The following LRRC32 variants were observed in gnomAD, a reference collection of about 807,000 sequenced individuals.
LRRC32 encodes the protein leucine rich repeat containing 32, also known as transforming growth factor beta activator LRRC32.
In LRRC32, 5 loss-of-function variants were observed where a neutral mutation model predicts 15.0. The observed-to-expected ratio is 0.33, with a 90% confidence interval of 0.17 to 0.70. LRRC32 has a LOEUF of 0.70. Among genes scored for constraint, LRRC32 ranks in the 30% least tolerant of loss-of-function variants. The pLI is 0.66. For missense variants in LRRC32, 803 were observed against 854.2 expected, an observed-to-expected ratio of 0.94 and a Z score of 0.75; for synonymous variants, 391 against 403.9, an observed-to-expected ratio of 0.97 and a Z score of 0.38.
intron 2 of LRRC32, chr11:76,662,701 C>G (rs1952557269): frequency 6.6e-6 from 1 of 152,486 alleles, no homozygotes; most frequent in Non-Finnish European, 1.5e-5. Flanking sequence ...CTCACCGCCC[C>G]CAGCTTCTGT....
chr11:76,669,298 C>A (rs998033346), intron 1 of LRRC32, among the ~76,000 whole-genome samples: 1 of 150,376 alleles, frequency 6.6e-6, no homozygotes, highest in African/African-American at 2.5e-5. Flanking sequence ...CAAGAGGAGG[C>A]AGGAGAGTCG....
chr11:76,661,003 G>A lies in LRRC32; in HGVS notation c.590C>T (p.Pro197Leu). 1 of 1,614,156 alleles carries A rather than the reference G, an allele frequency of 6.2e-7. No individual in the cohort carries two copies. Among genetic ancestry groups the A allele is most frequent in the Non-Finnish European group, 8.5e-7 (1 of 1,180,000 alleles). Residue 197 changes from proline to leucine, a missense_variant, in exon 3 of 3, where the codon CCC (proline) becomes CTC (leucine). Transcript: ENST00000260061. ...GGAGAGGTTGAGATGGGTCAGGCGG[G>A]GCAGACCCTCGAAGGCGCCATCCTC... is the stretch of plus-strand genomic sequence containing the variant. Reference protein sequence around the residue: ...DIEDGAFEGLPRLTHLNLSRN... With the variant: ...DIEDGAFEGLLRLTHLNLSRN...
rs1317108048 is a variant in LRRC32 at position 76,661,508 on chromosome 11, C to T, written c.85G>A (p.Val29Met). The T allele has an allele frequency of 6.3e-7, 1 of 1,596,904 alleles. No individual in the cohort carries two copies. Among genetic ancestry groups the T allele is most frequent in the Non-Finnish European group, 8.5e-7 (1 of 1,170,798 alleles). Residue 29 changes from valine to methionine, a missense_variant and splice_region_variant, in exon 3 of 3, where the codon GTG (valine) becomes ATG (methionine). Physicochemically the swap from Val to Met is conservative, Grantham distance 21. Coordinates refer to ENST00000260061, the MANE Select transcript of LRRC32 (RefSeq NM_001128922.2). ...QHQDKVPCKMVDKKVSCQVLG... is the reference protein window; with the variant it reads ...QHQDKVPCKMMDKKVSCQVLG... ...ACCTGGCACGAGACCTTCTTGTCCA[C>T]CTGGGGAGGGGTAGGGTGGGGAGAC...
At chr11:76,661,607 C>G (rs1197572666) in intron 2 of LRRC32, 99 bp from the exon 3 acceptor site, 2 of 1,455,140 alleles carry the variant, frequency 1.4e-6, no homozygotes, top group Admixed American at 5.0e-5. Context: ...GCTGGGGAAC[C>G]CTTCTCCCAT....
Position 76,657,970 on chromosome 11 carries a change from T to C in LRRC32, c.*1634A>G, listed in dbSNP as rs1952442135. On this transcript the variant is annotated 3_prime_UTR_variant, in exon 3 of 3. Transcript: ENST00000260061. ...CTTGAGTTGGTCCCAGCACGTCCAT[T>C]CTTCCCAGACAGCTCATGACTCCAT... 6.6e-6 allele frequency: 1 copy of C among 152,484 alleles called. No homozygotes were observed. The highest frequency in any genetic ancestry group is 1.9e-4 in the East Asian group (1 of 5,320). 9.4% of individuals were successfully genotyped at this position (152,484 alleles called of 1,614,324 possible).
At position 76,661,088 on chromosome 11, in the gene LRRC32, A is replaced by C. The variant is rs1383171925; in HGVS notation, c.505T>G (p.Phe169Val). 6.2e-7 allele frequency: 1 copy of C among 1,614,240 alleles called. No homozygotes were observed. The highest frequency in any genetic ancestry group is 8.5e-7 in the Non-Finnish European group (1 of 1,180,038). The stretch of plus-strand genomic sequence containing the variant: ...TGCTCCAGCGCAGGCATGTCCCGGA[A>C]GGTGTGGCGGGTGAGGCGAGTCAGA... Reference protein sequence around the residue: ...NSLTRLTRHTFRDMPALEQLD... With the variant: ...NSLTRLTRHTVRDMPALEQLD... Residue 169 changes from phenylalanine to valine, a missense_variant, in exon 3 of 3, where the codon TTC becomes GTC. Phe to Val is a conservative substitution (Grantham distance 50, BLOSUM62 -1). Transcript: ENST00000260061.
chr11:76,659,797 A>G lies in LRRC32; in HGVS notation c.1796T>C (p.Ile599Thr). The change falls in exon 3 of 3, where the codon ATC (isoleucine) becomes ACC (threonine). Residue 599 changes from isoleucine (I) to threonine (T), a missense_variant. Ile to Thr is a moderately conservative substitution (Grantham distance 89). Coordinates refer to ENST00000260061, the MANE Select transcript of LRRC32 (RefSeq NM_001128922.2). ...RVDVDATQDL[I>T]CRFSSQEEVS... The stretch of plus-strand genomic sequence containing the variant: ...CTCCTCCTGGGAGCTGAAGCGGCAG[A>G]TCAGGTCCTGGGTGGCGTCCACGTC... The G allele has an allele frequency of 1.9e-6, 3 of 1,614,204 alleles. No individual in the cohort carries two copies. The highest frequency in any genetic ancestry group is 2.5e-6 in the Non-Finnish European group (3 of 1,180,030).
chr11:76,662,992 C>G (rs1241556523), intron 2 of LRRC32: 1 of 152,392 alleles, frequency 6.6e-6, no homozygotes, highest in Non-Finnish European at 1.5e-5. Flanking sequence ...ACCAGATCCA[C>G]ACATGAACTC....
At chr11:76,668,240 G>A (rs1952656959) in intron 1 of LRRC32, among the ~76,000 whole-genome samples, 1 of 152,008 alleles carries the variant, frequency 6.6e-6, no homozygotes, top group South Asian at 2.1e-4. Flanking sequence ...TGCCGTCAGT[G>A]GGCTCTGACT....
Position 76,661,487 on chromosome 11 carries a change from G to C in LRRC32, c.106C>G (p.Gln36Glu). 6.2e-7 allele frequency: 1 copy of C among 1,608,678 alleles called. No individual in the cohort carries two copies. The highest frequency in any genetic ancestry group is 1.1e-5 in the South Asian group (1 of 90,058). Reference sequence around the variant, plus strand: ...GGGACCTGGAGCAGGCCCAGAACCTGGCACGAGACCTTCTTGTCCACCTGG... The same window carrying C: ...GGGACCTGGAGCAGGCCCAGAACCTCGCACGAGACCTTCTTGTCCACCTGG... ...CKMVDKKVSC[Q>E]VLGLLQVPSV... Residue 36 changes from glutamine (Q) to glutamate (E), a missense_variant, in exon 3 of 3, where the codon CAG (glutamine) becomes GAG (glutamate). Gln to Glu is a conservative substitution (Grantham distance 29). Coordinates refer to ENST00000260061, the MANE Select transcript of LRRC32 (RefSeq NM_001128922.2).
rs1376717108 is a variant in LRRC32 at position 76,659,674 on chromosome 11, A to G, written c.1919T>C (p.Ile640Thr). ...GCAGGCGGCCAGCGTGGTGAGGAGG[A>G]TGGCAGAGACCAGTATGAAGGTGAG... Reference protein sequence around the residue: ...IILTFILVSAILLTTLAACCC... With the variant: ...IILTFILVSATLLTTLAACCC... The change falls in exon 3 of 3, where the codon ATC (isoleucine) becomes ACC (threonine). Residue 640 changes from isoleucine (I) to threonine (T), a missense_variant. Transcript: ENST00000260061. The G allele has an allele frequency of 1.2e-6, 2 of 1,614,182 alleles. No homozygotes were observed. Among genetic ancestry groups the G allele is most frequent in the Non-Finnish European group, 1.7e-6 (2 of 1,180,038 alleles).
rs1468298585 is a variant in LRRC32, at chr11:76,659,140, A to G, written c.*464T>C. The G allele has an allele frequency of 1.2e-5, 2 of 169,280 alleles. No homozygotes were observed. Among genetic ancestry groups the G allele is most frequent in the African/African-American group, 4.8e-5 (2 of 41,728 alleles). The allele number at this position is 169,280 out of a possible 1,614,324, so 10.5% of individuals were successfully genotyped here. On this transcript the variant is annotated 3_prime_UTR_variant, in exon 3 of 3. Transcript: ENST00000260061. ...CCCTGGCACAGCCGGGGCAGGACTC[A>G]CCGCACCAAACCAGCGGGGCCTGCC...
Position 76,660,726 on chromosome 11 carries a change from G to T in LRRC32, c.867C>A (p.Gly289=), listed in dbSNP as rs761548180. 6.2e-7 allele frequency: 1 copy of T among 1,614,132 alleles called. No individual in the cohort carries two copies. ...LPTGPPQDSK[G]IHAPSEGWSA... ...ACCAGCCCTCGGAAGGTGCGTGGAT[G>T]CCCTTGCTGTCCTGGGGTGGCCCTG... Residue 289 remains glycine, a synonymous_variant, in exon 3 of 3, where the codon GGC becomes GGA. Transcript: ENST00000260061.
At chr11:76,667,363 G>T (rs538414738) in intron 1 of LRRC32, among the ~76,000 whole-genome samples, 1 of 152,336 alleles carries the variant, frequency 6.6e-6, no homozygotes, top group South Asian at 2.1e-4. Context: ...CACAGTGGGT[G>T]CTCCCTCAGT....
chr11:76,664,846 G>A (rs1264055404), intron 2 of LRRC32, among the ~76,000 whole-genome samples: 1 of 152,200 alleles, frequency 6.6e-6, no homozygotes, highest in East Asian at 1.9e-4. Context: ...CGCAATTCTG[G>A]GCTCCGGGAA....
rs1348837270 is a variant in LRRC32 at position 76,661,068 on chromosome 11, C to T, written c.525G>A (p.Leu175=). 1 of 1,614,150 alleles carries T rather than the reference C, an allele frequency of 6.2e-7. No individual in the cohort carries two copies. The highest frequency in any genetic ancestry group is 8.5e-7 in the Non-Finnish European group (1 of 1,180,058). Residue 175 remains leucine (L), a synonymous_variant, in exon 3 of 3, where the codon CTG becomes CTA. Coordinates refer to ENST00000260061, the MANE Select transcript of LRRC32 (RefSeq NM_001128922.2). ...TRHTFRDMPA[L]EQLDLHSNVL... ...CGTTGCTATGCAGGTCAAGCTGCTCCAGCGCAGGCATGTCCCGGAAGGTGT... is the reference window on the plus strand; with the variant it reads ...CGTTGCTATGCAGGTCAAGCTGCTCTAGCGCAGGCATGTCCCGGAAGGTGT...
chr11:76,660,423 C>T lies in LRRC32; in HGVS notation c.1170G>A (p.Thr390=), dbSNP rs994138839. ...LGARALGSLR[T]LLLQGNALRD... ...GCAGGGCATTGCCCTGTAGGAGCAG[C>T]GTCCGCAGAGACCCCAGGGCTCTGG... The change falls in exon 3 of 3, where the codon ACG becomes ACA. Residue 390 remains threonine, a synonymous_variant. Transcript: ENST00000260061. The T allele has an allele frequency of 8.7e-6, 14 of 1,613,484 alleles. No homozygotes were observed. Among genetic ancestry groups the T allele is most frequent in the Middle Eastern group, 1.6e-4 (1 of 6,084 alleles).
intron 1 of LRRC32, among the ~76,000 whole-genome samples, chr11:76,667,121 C>G (rs1952638455): frequency 6.6e-6 from 1 of 152,262 alleles, no homozygotes; most frequent in Non-Finnish European, 1.5e-5. Flanking sequence ...GAGATGCCAC[C>G]TACAGAGCCT....
At chr11:76,661,841 C>A (rs1465235531) in intron 2 of LRRC32, among the ~76,000 whole-genome samples, 1 of 152,170 alleles carries the variant, frequency 6.6e-6, no homozygotes, top group Non-Finnish European at 1.5e-5. Flanking sequence ...ACCCCTCTTA[C>A]AGGAAACAGC....
Sources: gnomAD v4.1 joint callset for allele counts (sites outside exome capture counted in the v4.1 genomes callset) on GRCh38, gnomAD v4.1.1 for gene constraint, MANE v1.5 for transcripts, NCBI Gene and HGNC (gene_info 2026-07-23, HGNC 2026-07-21) for gene names.